The following CAB39L variants were observed in gnomAD, a reference collection of about 807,000 sequenced individuals.
CAB39L encodes the protein calcium-binding protein 39-like.
A neutral mutation model predicts 39.1 loss-of-function variants in CAB39L; 23 were observed. The observed-to-expected ratio is 0.59, with a 90% CI of 0.42 to 0.83. CAB39L has a LOEUF of 0.83. CAB39L is among the 40% of genes least tolerant of loss of function. The pLI, the probability that CAB39L is intolerant of heterozygous loss-of-function variation, is 0.00. For synonymous variants in CAB39L, 126 were observed against 137.2 expected, an observed-to-expected ratio of 0.92 and a Z score of 0.57; for missense variants, 366 against 391.9, an observed-to-expected ratio of 0.93 and a Z score of 0.56.
At chr13:49,430,019 A>T (rs1957296473) in intron 3 of CAB39L, among the ~76,000 whole-genome samples, 1 of 152,178 alleles carries the variant, frequency 6.6e-6, no homozygotes, top group Non-Finnish European at 1.5e-5. Context: ...TAATAATTCT[A>T]TTCTATAAAA....
intron 4 of CAB39L, among the ~76,000 whole-genome samples, chr13:49,380,159 C>T (rs922456756): frequency 6.6e-6 from 1 of 152,136 alleles, no homozygotes; most frequent in Non-Finnish European, 1.5e-5. Context: ...TTAAACCACA[C>T]TCATTGTCTA....
chr13:49,371,189 C>CTTTT (rs386379129), intron 5 of CAB39L, among the ~76,000 whole-genome samples: 5 of 102,240 alleles, frequency 4.9e-5, no homozygotes, highest in Admixed American at 1.0e-4. Flanking sequence ...CTTTTTCTTT[C>CTTTT]TTTTTTTTTT....
intron 3 of CAB39L, among the ~76,000 whole-genome samples, chr13:49,416,742 T>G (rs2138700075): frequency 6.6e-6 from 1 of 152,300 alleles, no homozygotes; most frequent in East Asian, 1.9e-4. Context: ...AGGATTATTA[T>G]AAGGATTAAA....
chr13:49,342,827 A>G (rs1396898017), intron 8 of CAB39L, among the ~76,000 whole-genome samples: 1 of 152,248 alleles, frequency 6.6e-6, no homozygotes, highest in East Asian at 1.9e-4. Flanking sequence ...GCATGAAAAA[A>G]GGATGTAAAA....
chr13:49,400,202 A>G (rs1956733296), intron 3 of CAB39L, among the ~76,000 whole-genome samples: 1 of 152,076 alleles, frequency 6.6e-6, no homozygotes, highest in Non-Finnish European at 1.5e-5. Context: ...CAGAGGGTAG[A>G]TTAGAAACTC....
At chr13:49,397,965 T>C (rs1428949136) in intron 3 of CAB39L, among the ~76,000 whole-genome samples, 1 of 144,856 alleles carries the variant, frequency 6.9e-6, no homozygotes, top group East Asian at 1.9e-4. Flanking sequence ...CTGTTATTGA[T>C]ATTAAGACAT....
chr13:49,390,154 TG>T (rs1956456521), intron 3 of CAB39L, among the ~76,000 whole-genome samples: 1 of 152,192 alleles, frequency 6.6e-6, no homozygotes, highest in East Asian at 1.9e-4. Flanking sequence ...CCCAAAGTGT[TG>T]GGGTTACAGG....
chr13:49,312,964 G>A (rs966783377), intron 10 of CAB39L, among the ~76,000 whole-genome samples: 5 of 152,066 alleles, frequency 3.3e-5, no homozygotes, highest in African/African-American at 1.2e-4. Flanking sequence ...CACCATCTCT[G>A]GGCACATTTC....
At chr13:49,411,039 C>T (rs11618777) in intron 3 of CAB39L, among the ~76,000 whole-genome samples, 2 of 151,884 alleles carry the variant, frequency 1.3e-5, no homozygotes, top group Non-Finnish European at 2.9e-5. Context: ...TCATTCTAAA[C>T]ATGTCTTTTT....
chr13:49,432,180 G>A (rs1258038491), intron 3 of CAB39L, among the ~76,000 whole-genome samples: 1 of 151,806 alleles, frequency 6.6e-6, no homozygotes, highest in Non-Finnish European at 1.5e-5. Context: ...ATACATACAA[G>A]CTCTTGATCT....
At chr13:49,340,406 C>G (rs186354805) in intron 8 of CAB39L, among the ~76,000 whole-genome samples, 1 of 152,122 alleles carries the variant, frequency 6.6e-6, no homozygotes, top group Non-Finnish European at 1.5e-5. Context: ...ATGAGCGCAG[C>G]CAGGACGGAG....
At chr13:49,365,765 T>G (rs891255304) in intron 5 of CAB39L, among the ~76,000 whole-genome samples, 2 of 152,152 alleles carry the variant, frequency 1.3e-5, no homozygotes, top group Admixed American at 6.5e-5. Flanking sequence ...CAAATAGAGA[T>G]ACCATATGAT....
At chr13:49,311,087 G>T (rs565818948) in intron 10 of CAB39L, 94 bp from the exon 11 acceptor site, 2 of 991,428 alleles carry the variant, frequency 2.0e-6, no homozygotes, top group Admixed American at 4.5e-5. Context: ...CACACTACTC[G>T]CGTTTCATGC....
intron 3 of CAB39L, among the ~76,000 whole-genome samples, chr13:49,385,180 T>G (rs545143581): frequency 6.6e-6 from 1 of 152,362 alleles, no homozygotes; most frequent in African/African-American, 2.4e-5. Context: ...TTGCTGCAGC[T>G]TCTATAAATA....
intron 5 of CAB39L, among the ~76,000 whole-genome samples, chr13:49,368,691 G>C (rs1242877637): frequency 6.6e-6 from 1 of 152,150 alleles, no homozygotes; most frequent in African/African-American, 2.4e-5. Flanking sequence ...CCTTGTGTTT[G>C]CTGGCAAATT....
intron 3 of CAB39L, among the ~76,000 whole-genome samples, chr13:49,427,030 C>T (rs1301422960): frequency 6.6e-6 from 1 of 152,142 alleles, no homozygotes; most frequent in Non-Finnish European, 1.5e-5. Context: ...GTTTATCAAT[C>T]CTTTCTTTAG....
intron 10 of CAB39L, among the ~76,000 whole-genome samples, chr13:49,321,060 C>A (rs1954324056): frequency 6.6e-6 from 1 of 152,164 alleles, no homozygotes; most frequent in Non-Finnish European, 1.5e-5. Context: ...TCACTGCCAC[C>A]ATTCTTACCA....
At chr13:49,330,217 T>C (rs1370021276) in intron 10 of CAB39L, among the ~76,000 whole-genome samples, 1 of 152,246 alleles carries the variant, frequency 6.6e-6, no homozygotes, top group Non-Finnish European at 1.5e-5. Context: ...AAACCTTGCC[T>C]TGCCCCTAAA....
At chr13:49,346,378 C>A (rs192977841) in intron 7 of CAB39L, among the ~76,000 whole-genome samples, 33 of 144,522 alleles carry the variant, frequency 2.3e-4, no homozygotes, top group African/African-American at 8.1e-4. Context: ...TAGGATCCTA[C>A]CCAAGAAGGA....
Sources: allele counts gnomAD v4.1 joint callset (sites outside exome capture counted in the v4.1 genomes callset), GRCh38; gene constraint gnomAD v4.1.1; transcripts MANE v1.5; gene names NCBI Gene and HGNC (gene_info 2026-07-23, HGNC 2026-07-21).